Variants in GYPB observed in about 807,000 individuals in gnomAD.
GYPB encodes the protein glycophorin-B.
In GYPB, 13 loss-of-function variants were observed where a neutral mutation model predicts 15.3. The observed-to-expected ratio is 0.85, with a 90% CI of 0.55 to 1.35. The LOEUF (loss-of-function observed/expected upper bound fraction) is 1.35. Ranked by LOEUF, GYPB falls within the 40% of genes most tolerant of loss-of-function variation. GYPB has a pLI of 0.00. For missense variants in GYPB, 131 were observed against 108.3 expected (o/e 1.21, Z -0.93); for synonymous variants, 38 against 36.9 (o/e 1.03, Z -0.11).
At chr4:144,012,248 T>G (rs891388473) in intron 1 of GYPB, among the ~76,000 whole-genome samples, 1 of 151,572 alleles carries the variant, frequency 6.6e-6, no homozygotes, top group African/African-American at 2.4e-5. Context: ...GGAACATCAC[T>G]AGGTATGGTA....
chr4:144,009,601 C>CTTTTTT (rs55807150), intron 1 of GYPB, among the ~76,000 whole-genome samples: 35 of 57,784 alleles, frequency 6.1e-4, no homozygotes, highest in East Asian at 1.3e-3. Flanking sequence ...TTTTTTCTTT[C>CTTTTTT]TTTTTTTTTT....
At chr4:143,996,432 G>C in intron 4 of GYPB, 128 bp from the exon 5 acceptor site, 1 of 1,490,530 alleles carries the variant, frequency 6.7e-7, no homozygotes, top group South Asian at 1.2e-5. Flanking sequence ...GCTTCTAAAG[G>C]GTACCTAGGG....
At chr4:144,006,350 T>C (rs1434502823) in intron 1 of GYPB, among the ~76,000 whole-genome samples, 1 of 151,952 alleles carries the variant, frequency 6.6e-6, no homozygotes, top group Non-Finnish European at 1.5e-5. Flanking sequence ...GGAGAGAGCA[T>C]GGACTTCTGC....
At chr4:144,014,970 A>G (rs1728415093) in intron 1 of GYPB, among the ~76,000 whole-genome samples, 1 of 151,366 alleles carries the variant, frequency 6.6e-6, no homozygotes, top group African/African-American at 2.5e-5. Context: ...TGTTTATAGA[A>G]CTTTGTACAC....
chr4:144,014,222 A>G (rs1448389445), intron 1 of GYPB, among the ~76,000 whole-genome samples: 1 of 152,004 alleles, frequency 6.6e-6, no homozygotes, highest in East Asian at 1.9e-4. Context: ...TAAAATTACT[A>G]TGACCCAGCA....
intron 1 of GYPB, chr4:144,002,757 G>A (rs370184912): frequency 2.5e-5 from 30 of 1,191,018 alleles, no homozygotes; most frequent in Middle Eastern, 2.2e-4. Context: ...CTACTCAAGG[G>A]AAGAGTTCTA....
At chr4:144,011,069 C>G (rs1158188401) in intron 1 of GYPB, among the ~76,000 whole-genome samples, 1 of 151,496 alleles carries the variant, frequency 6.6e-6, no homozygotes, top group Admixed American at 6.6e-5. Context: ...AAGACAGAAA[C>G]TTTTAGATTG....
At chr4:143,996,411 G>A (rs909384459) in intron 4 of GYPB, 107 bp from the exon 5 acceptor site, 37 of 1,539,082 alleles carry the variant, frequency 2.4e-5, no homozygotes, top group Admixed American at 3.9e-5. Context: ...ACAGGCTGTA[G>A]CCAATTGGAG....
At chr4:144,001,345 A>G in intron 1 of GYPB, 62 bp from the exon 2 acceptor site, 16 of 1,612,018 alleles carry the variant, frequency 9.9e-6, no homozygotes, top group Non-Finnish European at 1.2e-5. Flanking sequence ...ACCATAAAGC[A>G]TATCACAAAA....
Position 143,996,239 on chromosome 4 carries a change from C to T in GYPB, c.*60G>A. 4 of 1,550,124 alleles carry T rather than the reference C, an allele frequency of 2.6e-6. No individual in the cohort carries two copies. The Middle Eastern group carries it at 5.0e-4, about 195-fold the overall frequency. Reference sequence around the variant, plus strand: ...AGCAGGTGCAGCCAGTTTGCATAAACAAGAGAACAGCAGGTGCAGCCGGTT... The same window carrying T: ...AGCAGGTGCAGCCAGTTTGCATAAATAAGAGAACAGCAGGTGCAGCCGGTT... On this transcript the variant is annotated 3_prime_UTR_variant, in exon 5 of 5. Transcript: ENST00000502664.
In GYPB at chr4:144,002,580, T is replaced by C. The variant is rs1313005988; in HGVS notation, c.38-1297A>G. On this transcript the variant is annotated intron_variant, in intron 1 of 4. Transcript: ENST00000502664. The stretch of plus-strand genomic sequence containing the variant: ...AACTCTGTAGATGTACCTTTGCTCA[T>C]CTCTTGGAGACATTCAAATGAGGGG... The C allele has an allele frequency of 2.5e-5, 32 of 1,285,796 alleles. No homozygotes were observed. The South Asian group carries it at 3.7e-4, about 15-fold the overall frequency. The allele number at this position is 1,285,796 out of a possible 1,614,324, so 79.6% of individuals were successfully genotyped here. A position where few individuals can be genotyped will look rare whatever the true frequency, so the allele number is the denominator to read the frequency against.
intron 1 of GYPB, among the ~76,000 whole-genome samples, chr4:144,009,887 A>G (rs934423257): frequency 6.6e-6 from 1 of 150,996 alleles, no homozygotes; most frequent in African/African-American, 2.5e-5. Flanking sequence ...TGATGGGATT[A>G]CAGGCTTGGA....
At chr4:144,003,232 T>A (rs1727717706) in intron 1 of GYPB, among the ~76,000 whole-genome samples, 1 of 151,422 alleles carries the variant, frequency 6.6e-6, no homozygotes, top group Non-Finnish European at 1.5e-5. Flanking sequence ...TCTAGATAGA[T>A]GAAGGGTTTG....
chr4:144,002,472 A>G (rs1727676321), intron 1 of GYPB: 12 of 555,660 alleles, frequency 2.2e-5, no homozygotes, highest in South Asian at 1.9e-4. Context: ...TGTGGTTTAT[A>G]TTTCAGTCTC....
chr4:144,011,208 C>T (rs1025272328), intron 1 of GYPB, among the ~76,000 whole-genome samples: 3 of 151,122 alleles, frequency 2.0e-5, no homozygotes, highest in Non-Finnish European at 2.9e-5. Flanking sequence ...GGTGAAACCC[C>T]GTGTCTACTG....
chr4:144,004,174 T>G (rs1276321956), intron 1 of GYPB, among the ~76,000 whole-genome samples: 1 of 151,864 alleles, frequency 6.6e-6, no homozygotes, highest in Admixed American at 6.5e-5. Flanking sequence ...TACAACTTCT[T>G]ATAGTCACCT....
intron 2 of GYPB, among the ~76,000 whole-genome samples, chr4:143,999,763 C>T (rs1311518826): frequency 4.0e-5 from 6 of 151,348 alleles, no homozygotes; most frequent in East Asian, 3.9e-4. Flanking sequence ...AGAAGCAATG[C>T]ATTTTTAAAA....
At chr4:144,016,140 G>GAAAAA (rs10594193) in intron 1 of GYPB, among the ~76,000 whole-genome samples, 1 of 38,846 alleles carries the variant, frequency 2.6e-5, no homozygotes, top group Non-Finnish European at 4.4e-5. Context: ...TTGGATCCCT[G>GAAAAA]AAAAAAAAAA....
intron 1 of GYPB, among the ~76,000 whole-genome samples, chr4:144,013,792 G>A (rs982371130): frequency 7.3e-5 from 11 of 150,782 alleles, no homozygotes; most frequent in African/African-American, 2.7e-4. Flanking sequence ...GAGGGGGAAG[G>A]GATAGCATCG....
Sources: gnomAD v4.1 joint callset for allele counts (sites outside exome capture counted in the v4.1 genomes callset) on GRCh38, gnomAD v4.1.1 for gene constraint, MANE v1.5 for transcripts, NCBI Gene and HGNC (gene_info 2026-07-23, HGNC 2026-07-21) for gene names.